PFKP: variants seen among roughly 807,000 people sequenced by gnomAD.
PFKP encodes phosphofructokinase, platelet, also known as ATP-dependent 6-phosphofructokinase, platelet type.
PFKP carries 101 observed loss-of-function variants against 94.3 expected under a neutral mutation model. The ratio of observed to expected loss-of-function variants is 1.07; its 90% CI spans 0.91 to 1.26. The LOEUF is 1.26. Among genes scored for constraint, PFKP ranks in the 50% most tolerant of loss-of-function variants. The pLI is 0.00. For missense variants in PFKP, 1,145 were observed against 1,103.3 expected (o/e 1.04, Z -0.53); for synonymous variants, 573 against 432.6 (o/e 1.32, Z -4.03).
chr10:3,089,755 C>G (rs1208545793), intron 2 of PFKP, among the ~76,000 whole-genome samples: 2 of 150,846 alleles, frequency 1.3e-5, no homozygotes, highest in Non-Finnish European at 2.9e-5. Context: ...TATTATTAAA[C>G]ATTATTATAC....
chr10:3,071,427 G>GTTTTTTTTTTTTT (rs569603765), intron 1 of PFKP, among the ~76,000 whole-genome samples: 193 of 92,334 alleles, frequency 2.1e-3, no homozygotes, highest in African/African-American at 2.8e-3. Context: ...GTCTCAGGCT[G>GTTTTTTTTTTTTT]TTTTTTTTTT....
Position 3,079,345 on chromosome 10 carries a change from C to T in PFKP, c.113-3043C>T, listed in dbSNP as rs561219444. Among the ~76,000 whole-genome samples the T allele has an allele frequency of 3.0e-3, 452 of 152,204 alleles. 1 individual carries two copies. Among genetic ancestry groups the T allele is most frequent in the Non-Finnish European group, 4.7e-3 (320 of 68,010 alleles). ...CACCTCCCGGGTTCACGCCATTCTC[C>T]TGCCTCAGCCTCCCGAGTAGCTGGG... is the stretch of plus-strand genomic sequence containing the variant. On this transcript the variant is annotated intron_variant, in intron 1 of 21. Transcript: ENST00000381125.
chr10:3,079,485 A>C (rs1025064196), intron 1 of PFKP, among the ~76,000 whole-genome samples: 13 of 151,844 alleles, frequency 8.6e-5, no homozygotes, highest in Non-Finnish European at 1.5e-4. Context: ...CTGCCCACCT[A>C]GGCCTCCCAA....
chr10:3,114,271 T>C (rs1836570327), intron 13 of PFKP, among the ~76,000 whole-genome samples: 1 of 152,050 alleles, frequency 6.6e-6, no homozygotes, highest in Admixed American at 6.6e-5. Context: ...TGCCTCAGCC[T>C]CCTGAGTAGC....
At chr10:3,080,030 G>C (rs578003211) in intron 1 of PFKP, among the ~76,000 whole-genome samples, 1 of 152,084 alleles carries the variant, frequency 6.6e-6, no homozygotes, top group Non-Finnish European at 1.5e-5. Flanking sequence ...TGCCAGAGCC[G>C]AGGAGGAGTT....
At chr10:3,124,009 G>A (rs1437515795) in intron 16 of PFKP, among the ~76,000 whole-genome samples, 19 of 72,548 alleles carry the variant, frequency 2.6e-4, no homozygotes, top group African/African-American at 7.7e-4. Flanking sequence ...TGACCCACCC[G>A]CCCCACCCTC....
intron 1 of PFKP, among the ~76,000 whole-genome samples, chr10:3,072,825 A>G (rs1469114411): frequency 2.6e-5 from 4 of 152,012 alleles, no homozygotes; most frequent in Non-Finnish European, 4.4e-5. Context: ...AAGATACGGT[A>G]ACGTAGTCAG....
intron 2 of PFKP, 132 bp from the exon 3 acceptor site, chr10:3,099,143 C>T: frequency 4.2e-6 from 3 of 714,900 alleles, no homozygotes; most frequent in East Asian, 2.7e-5. Context: ...CTGGAACTGC[C>T]CTGTCTTCTG....
chr10:3,117,574 A>G (rs1588520307), intron 14 of PFKP, among the ~76,000 whole-genome samples: 1 of 152,278 alleles, frequency 6.6e-6, no homozygotes, highest in East Asian at 1.9e-4. Context: ...TACAGCCAGG[A>G]CCCTGGTACT....
intron 2 of PFKP, among the ~76,000 whole-genome samples, chr10:3,094,090 G>A (rs1381006923): frequency 6.6e-6 from 1 of 152,164 alleles, no homozygotes; most frequent in African/African-American, 2.4e-5. Flanking sequence ...AACTGCAGAA[G>A]AGCACCATCT....
At chr10:3,120,887 G>A (rs979987806) in intron 16 of PFKP, among the ~76,000 whole-genome samples, 1 of 152,164 alleles carries the variant, frequency 6.6e-6, no homozygotes, top group Admixed American at 6.5e-5. Context: ...GTGGGAGTTT[G>A]AAGATCCGTA....
intron 20 of PFKP, 100 bp downstream of exon 20, chr10:3,134,682 T>C (rs1039846655): frequency 1.7e-5 from 13 of 769,984 alleles, no homozygotes; most frequent in African/African-American, 3.4e-5. Context: ...GCTGGTTCCT[T>C]CTTCAGTTCA....
At chr10:3,105,537 T>C (rs1431523177) in intron 7 of PFKP, 36 bp downstream of exon 7, 2 of 1,409,990 alleles carry the variant, frequency 1.4e-6, no homozygotes, top group Non-Finnish European at 2.0e-6. Flanking sequence ...TAGCGGGCGA[T>C]GCTGGCTGCA....
intron 20 of PFKP, among the ~76,000 whole-genome samples, chr10:3,135,030 G>T (rs1179056271): frequency 6.6e-6 from 1 of 151,784 alleles, no homozygotes; most frequent in Non-Finnish European, 1.5e-5. Context: ...AACTGTGCAT[G>T]TTCTTCCTTA....
Position 3,070,058 on chromosome 10 carries a change from A to G in PFKP, c.112+2351A>G, listed in dbSNP as rs1375103964. Among the ~76,000 whole-genome samples, 3 of 152,378 alleles carry G rather than the reference A, an allele frequency of 2.0e-5. No individual in the cohort carries two copies. In the East Asian group the frequency reaches 5.8e-4, roughly 29 times the overall value. ...GCCCTCAGCTCTGCAGGTGGCATCA[A>G]ATATGGTGGCCTCGAGCCCACATGG... On this transcript the variant is annotated intron_variant, in intron 1 of 21. Transcript: ENST00000381125.
chr10:3,080,636 G>A (rs567517074), intron 1 of PFKP, among the ~76,000 whole-genome samples: 1 of 152,096 alleles, frequency 6.6e-6, no homozygotes, highest in Non-Finnish European at 1.5e-5. Context: ...CAACAGCAAG[G>A]CACCGTCCCC....
At chr10:3,080,878 A>G (rs4545444) in intron 1 of PFKP, among the ~76,000 whole-genome samples, 32,417 of 152,082 alleles carry the variant, frequency 0.21, 4,101 homozygotes, top group East Asian at 0.35. Context: ...GGGTGTTAGC[A>G]GCATTCAGCG....
chr10:3,113,740 C>G lies in PFKP; in HGVS notation c.1371+222C>G, dbSNP rs118072394. On this transcript the variant is annotated intron_variant, in intron 13 of 21. Coordinates refer to ENST00000381125, the MANE Select transcript of PFKP (RefSeq NM_002627.5). ...AGGGTATGATGTGCTTTTGAATTTT[C>G]TGAAAAGGTGCTGGGGGATGGCAGT... Among the ~76,000 whole-genome samples the G allele has an allele frequency of 1.0e-3, 152 of 152,214 alleles. 2 individuals carry two copies. The East Asian group carries it at 0.024, about 24-fold the overall frequency.
intron 14 of PFKP, among the ~76,000 whole-genome samples, chr10:3,118,468 G>GA (rs900938150): frequency 3.8e-4 from 35 of 92,436 alleles, no homozygotes; most frequent in South Asian, 8.6e-4. Flanking sequence ...CTCCATCTTG[G>GA]AAAAAAAAAA....
Sources: allele counts gnomAD v4.1 joint callset (sites outside exome capture counted in the v4.1 genomes callset), GRCh38; gene constraint gnomAD v4.1.1; transcripts MANE v1.5; gene names NCBI Gene and HGNC (gene_info 2026-07-23, HGNC 2026-07-21).